RASSF7: variants seen among roughly 807,000 people sequenced by gnomAD.
RASSF7 encodes ras association domain-containing protein 7.
A neutral mutation model predicts 33.8 loss-of-function variants in RASSF7; 41 were observed. The ratio of observed to expected loss-of-function variants is 1.21; its 90% CI spans 0.95 to 1.57. The LOEUF (loss-of-function observed/expected upper bound fraction) is 1.57, where lower values mean the gene tolerates loss of function less well. Ranked by LOEUF, RASSF7 falls within the 40% of genes most tolerant of loss-of-function variation. The pLI is 0.00. For missense variants in RASSF7, 622 were observed against 497.0 expected, an observed-to-expected ratio of 1.25 and a Z score of -2.39; for synonymous variants, 298 against 212.8, an observed-to-expected ratio of 1.40 and a Z score of -3.48.
Position 561,146 on chromosome 11 carries a change from C to T in RASSF7, c.-339C>T, listed in dbSNP as rs1381009878. On this transcript the variant is annotated 5_prime_UTR_variant, in exon 1 of 6. Transcript: ENST00000397583. ...GCGATGCCCGGACGGAGAGCGGGGGCGGCGCCGCACCTGCGCCCGCCCTGC... is the reference window on the plus strand; with the variant it reads ...GCGATGCCCGGACGGAGAGCGGGGGTGGCGCCGCACCTGCGCCCGCCCTGC... 3.0e-6 allele frequency: 3 copies of T among 984,782 alleles called. No individual in the cohort carries two copies. The highest frequency in any genetic ancestry group is 2.4e-6 in the Non-Finnish European group (2 of 829,778). The allele number at this position is 984,782 out of a possible 1,614,324, so 61.0% of individuals were successfully genotyped here.
In RASSF7 at chr11:563,251, C is replaced by T; in HGVS notation, c.885C>T (p.Phe295=). 3 of 1,610,814 alleles carry T rather than the reference C, an allele frequency of 1.9e-6. No homozygotes were observed. Among genetic ancestry groups the T allele is most frequent in the Non-Finnish European group, 2.5e-6 (3 of 1,178,696 alleles). The change falls in exon 4 of 6, where the codon TTC becomes TTT. Residue 295 remains phenylalanine, a synonymous_variant. Transcript: ENST00000397583. ...TCCGTCAGTGCAACCTGCAGCAGTT[C>T]ATCCAGCAGACCGGGGCTGCGCTGC... is the stretch of plus-strand genomic sequence containing the variant. ...RELRQCNLQQ[F]IQQTGAALPP...
At position 563,422 on chromosome 11, in the gene RASSF7, G is replaced by A. The variant is rs1186192256; in HGVS notation, c.978G>A (p.Glu326=). ...TQGPLPPARE[E]SLLGAPSESH... ...GCCCTCTGCCTCCAGCCAGAGAGGA[G>A]TCCCTCCTGGGCGCTCCCTCTGAGT... The change falls in exon 5 of 6, where the codon GAG becomes GAA. Residue 326 remains glutamate (E), a synonymous_variant. Coordinates refer to ENST00000397583, the MANE Select transcript of RASSF7 (RefSeq NM_003475.4). The A allele has an allele frequency of 6.2e-7, 1 of 1,611,906 alleles. No homozygotes were observed. The highest frequency in any genetic ancestry group is 1.3e-5 in the African/African-American group (1 of 74,910).
chr11:562,012 C>T (rs1354129729), intron 2 of RASSF7, 67 bp from the exon 3 acceptor site: 7 of 1,521,236 alleles, frequency 4.6e-6, no homozygotes, highest in South Asian at 1.3e-5. Context: ...TTGTTCTTCC[C>T]AACTCTTCAA....
In RASSF7 at chr11:562,513, C is replaced by T. The variant is rs762913066; in HGVS notation, c.559C>T (p.Arg187Ter). Reference protein sequence around the residue: ...QELRREQAREREGQARLQALS... With the variant: ...QELRREQARE ...GCTGCGCCGGGAGCAGGCCCGGGAG[C>T]GAGAGGGACAGGCACGCCTGCAGGC... The change falls in exon 3 of 6, where the codon CGA becomes TGA. Residue 187 changes from arginine (R) to a stop codon, truncating the protein, a stop_gained. Transcript: ENST00000397583. LOFTEE classifies it high-confidence loss of function. 4 of 1,549,390 alleles carry T rather than the reference C, an allele frequency of 2.6e-6. No individual in the cohort carries two copies. Among genetic ancestry groups the T allele is most frequent in the South Asian group, 2.4e-5 (2 of 84,062 alleles).
At position 562,404 on chromosome 11, in the gene RASSF7, C is replaced by T. The variant is rs905094773; in HGVS notation, c.450C>T (p.Gly150=). ...CGGCCCCTGTGACACCCACACCAGG[C>T]TGCTGCACAGACCTGCGGGGCCTGG... is the stretch of plus-strand genomic sequence containing the variant. ...GPAAPVTPTP[G]CCTDLRGLEL... The change falls in exon 3 of 6, where the codon GGC becomes GGT. Residue 150 remains glycine (G), a synonymous_variant. Coordinates refer to ENST00000397583, the MANE Select transcript of RASSF7 (RefSeq NM_003475.4). 2 of 1,568,132 alleles carry T rather than the reference C, an allele frequency of 1.3e-6. No individual in the cohort carries two copies. Among genetic ancestry groups the T allele is most frequent in the Non-Finnish European group, 8.6e-7 (1 of 1,156,396 alleles).
Position 562,223 on chromosome 11 carries a change from G to C in RASSF7, c.269G>C (p.Ser90Thr). The C allele has an allele frequency of 1.2e-6, 2 of 1,611,202 alleles. No homozygotes were observed. The highest frequency in any genetic ancestry group is 1.7e-6 in the Non-Finnish European group (2 of 1,179,092). Reference sequence around the variant, plus strand: ...TTTGTCCTGAGGCGCACAGGGCCCAGCCTAGCTGGGAGGCCCTCCTCAGAC... The same window carrying C: ...TTTGTCCTGAGGCGCACAGGGCCCACCCTAGCTGGGAGGCCCTCCTCAGAC... The part of the protein sequence containing the change: ...VQFVLRRTGP[S>T]LAGRPSSDSC... Residue 90 changes from serine (S) to threonine (T), a missense_variant, in exon 3 of 6, where the codon AGC becomes ACC. Physicochemically the swap from Ser to Thr is moderately conservative, Grantham distance 58. Coordinates refer to ENST00000397583, the MANE Select transcript of RASSF7 (RefSeq NM_003475.4).
At position 561,010 on chromosome 11, in the gene RASSF7, G is replaced by A. The variant is rs1853264346; in HGVS notation, c.-475G>A. The A allele has an allele frequency of 6.8e-6, 7 of 1,026,636 alleles. No individual in the cohort carries two copies. The highest frequency in any genetic ancestry group is 8.2e-6 in the Non-Finnish European group (7 of 857,784). 63.6% of individuals were successfully genotyped at this position (1,026,636 alleles called of 1,614,324 possible). On this transcript the variant is annotated 5_prime_UTR_variant, in exon 1 of 6. Coordinates refer to ENST00000397583, the MANE Select transcript of RASSF7 (RefSeq NM_003475.4). The stretch of plus-strand genomic sequence containing the variant: ...GCAGGTTGCGGCGGCGCCGGAGCGG[G>A]TCTCCAGGCTGGCGAGCGCCCAGGT...
rs930032968 is a variant in RASSF7, at chr11:562,885, C to T, written c.822+109C>T. The T allele has an allele frequency of 1.1e-4, 104 of 945,196 alleles. No individual in the cohort carries two copies. In the African/African-American group the frequency reaches 1.3e-3, roughly 12 times the overall value. The allele number at this position is 945,196 out of a possible 1,614,324, so 58.6% of individuals were successfully genotyped here. A position where few individuals can be genotyped will look rare whatever the true frequency, so the allele number is the denominator to read the frequency against. ...CAGGTGAGCCCGGGGACCTGATCCC[C>T]TGTCACTCCCCCACCCCTGACGTGG... On this transcript the variant is annotated intron_variant, in intron 3 of 5. Coordinates refer to ENST00000397583, the MANE Select transcript of RASSF7 (RefSeq NM_003475.4).
Position 563,697 on chromosome 11 carries a change from T to G in RASSF7, c.*52T>G. 1 of 1,508,372 alleles carries G rather than the reference T, an allele frequency of 6.6e-7. No homozygotes were observed. Among genetic ancestry groups the G allele is most frequent in the Non-Finnish European group, 9.0e-7 (1 of 1,113,298 alleles). 93.4% of individuals were successfully genotyped at this position (1,508,372 alleles called of 1,614,324 possible). On this transcript the variant is annotated 3_prime_UTR_variant, in exon 6 of 6. Coordinates refer to ENST00000397583, the MANE Select transcript of RASSF7 (RefSeq NM_003475.4). The stretch of plus-strand genomic sequence containing the variant: ...CCTGCCCGGACCACAGAAGGAGAGT[T>G]GGCGGTCACAGAGGGCTCCTCTGCC...
chr11:561,641 G>A, intron 1 of RASSF7, 121 bp from the exon 2 acceptor site: 1 of 1,471,486 alleles, frequency 6.8e-7, no homozygotes, highest in Non-Finnish European at 9.1e-7. Flanking sequence ...GGAGGGTGGG[G>A]CCCGTGCGGA....
In RASSF7 at chr11:561,033, G is replaced by C. The variant is rs1382294018; in HGVS notation, c.-452G>C. The C allele has an allele frequency of 1.0e-6, 1 of 1,001,888 alleles. No homozygotes were observed. The highest frequency in any genetic ancestry group is 1.2e-6 in the Non-Finnish European group (1 of 841,510). 62.1% of individuals were successfully genotyped at this position (1,001,888 alleles called of 1,614,324 possible). A position where few individuals can be genotyped will look rare whatever the true frequency, so the allele number is the denominator to read the frequency against. ...GGGTCTCCAGGCTGGCGAGCGCCCA[G>C]GTGAGCCGCGCCGGGTCCCCGGTAC... On this transcript the variant is annotated 5_prime_UTR_variant, in exon 1 of 6. Transcript: ENST00000397583.
In RASSF7 at chr11:564,024, G is replaced by A. The variant is rs529893142; in HGVS notation, c.*379G>A. 11 of 291,416 alleles carry A rather than the reference G, an allele frequency of 3.8e-5. No individual in the cohort carries two copies. The South Asian group carries it at 6.7e-4, about 18-fold the overall frequency. The allele number at this position is 291,416 out of a possible 1,614,324, so 18.1% of individuals were successfully genotyped here. A position where few individuals can be genotyped will look rare whatever the true frequency, so the allele number is the denominator to read the frequency against. On this transcript the variant is annotated 3_prime_UTR_variant, in exon 6 of 6. Transcript: ENST00000397583. ...CTCAATAAACTGCCCGAAGCAGCTTGAGTGTGTGTGGAGGCTGCGCTGGGC... is the reference window on the plus strand; with the variant it reads ...CTCAATAAACTGCCCGAAGCAGCTTAAGTGTGTGTGGAGGCTGCGCTGGGC...
At position 562,316 on chromosome 11, in the gene RASSF7, G is replaced by C. The variant is rs1418812583; in HGVS notation, c.362G>C (p.Gly121Ala). The change falls in exon 3 of 6, where the codon GGC (glycine) becomes GCC (alanine). Residue 121 changes from glycine (G) to alanine (A), a missense_variant. By Grantham distance (60) the Gly-to-Ala change is moderately conservative. Transcript: ENST00000397583. ...CCTGTAAAGCCACGGGCTGCGCTGG[G>C]CTGTGAGCCCCGCAAAACACTGACC... ...SLPVKPRAAL[G>A]CEPRKTLTPE... is the part of the protein sequence containing the mutation. The C allele has an allele frequency of 1.2e-6, 2 of 1,611,670 alleles. No homozygotes were observed. Among genetic ancestry groups the C allele is most frequent in the African/African-American group, 1.3e-5 (1 of 75,032 alleles).
At position 561,632 on chromosome 11, in the gene RASSF7, G is replaced by A. The variant is rs868096948; in HGVS notation, c.-7-130G>A. On this transcript the variant is annotated intron_variant, in intron 1 of 5. Transcript: ENST00000397583. ...TGGCTGGCGGGTGGGGCTGGCACAG[G>A]AGGGTGGGGCCCGTGCGGAGGGGCG... is the stretch of plus-strand genomic sequence containing the variant. 238 of 1,452,328 alleles carry A rather than the reference G, an allele frequency of 1.6e-4. No homozygotes were observed. The Middle Eastern group carries it at 2.7e-3, about 17-fold the overall frequency. 90.0% of individuals were successfully genotyped at this position (1,452,328 alleles called of 1,614,324 possible). A position where few individuals can be genotyped will look rare whatever the true frequency, so the allele number is the denominator to read the frequency against.
At position 563,701 on chromosome 11, in the gene RASSF7, G is replaced by A. The variant is rs370067890; in HGVS notation, c.*56G>A. The A allele has an allele frequency of 2.4e-5, 35 of 1,469,366 alleles. No individual in the cohort carries two copies. The highest frequency in any genetic ancestry group is 1.7e-4 in the African/African-American group (12 of 72,134). 91.0% of individuals were successfully genotyped at this position (1,469,366 alleles called of 1,614,324 possible). On this transcript the variant is annotated 3_prime_UTR_variant, in exon 6 of 6. Coordinates refer to ENST00000397583, the MANE Select transcript of RASSF7 (RefSeq NM_003475.4). ...CCCGGACCACAGAAGGAGAGTTGGC[G>A]GTCACAGAGGGCTCCTCTGCCAGGC...
chr11:561,567 G>T, intron 1 of RASSF7, 90 bp downstream of exon 1: 1 of 1,399,790 alleles, frequency 7.1e-7, no homozygotes, highest in Non-Finnish European at 9.4e-7. Flanking sequence ...TGAAGTGGGG[G>T]AGGATGCGTG....
chr11:561,681 G>C, intron 1 of RASSF7, 81 bp from the exon 2 acceptor site: 1 of 1,586,100 alleles, frequency 6.3e-7, no homozygotes, highest in Middle Eastern at 2.2e-4. Context: ...TTCTAGGGCA[G>C]GCCAAGAGGA....
Position 561,021 on chromosome 11 carries a change from G to T in RASSF7, c.-464G>T. 4 of 1,012,522 alleles carry T rather than the reference G, an allele frequency of 4.0e-6. No homozygotes were observed. Among genetic ancestry groups the T allele is most frequent in the Non-Finnish European group, 3.5e-6 (3 of 848,484 alleles). 62.7% of individuals were successfully genotyped at this position (1,012,522 alleles called of 1,614,324 possible). A position where few individuals can be genotyped will look rare whatever the true frequency, so the allele number is the denominator to read the frequency against. ...CGGCGCCGGAGCGGGTCTCCAGGCT[G>T]GCGAGCGCCCAGGTGAGCCGCGCCG... On this transcript the variant is annotated 5_prime_UTR_variant, in exon 1 of 6. Coordinates refer to ENST00000397583, the MANE Select transcript of RASSF7 (RefSeq NM_003475.4).
At position 561,713 on chromosome 11, in the gene RASSF7, G is replaced by A. The variant is rs1589837972; in HGVS notation, c.-7-49G>A. 6 of 1,608,942 alleles carry A rather than the reference G, an allele frequency of 3.7e-6. No homozygotes were observed. The East Asian group carries it at 1.1e-4, about 30-fold the overall frequency. The stretch of plus-strand genomic sequence containing the variant: ...AGGATGAGGAGAGGAGGACCAGCCT[G>A]CGATAGGAGTAGGCAGGTCCTGACC... On this transcript the variant is annotated intron_variant, in intron 1 of 5. Transcript: ENST00000397583.
Sources: gnomAD v4.1 joint callset for allele counts on GRCh38, gnomAD v4.1.1 for gene constraint, MANE v1.5 for transcripts, NCBI Gene and HGNC (gene_info 2026-07-23, HGNC 2026-07-21) for gene names.